METTL15: variants seen among roughly 807,000 people sequenced by gnomAD.
METTL15 encodes the protein 12S rRNA N(4)-cytidine methyltransferase METTL15.
A neutral mutation model predicts 38.3 loss-of-function variants in METTL15; 34 were observed. The observed-to-expected ratio is 0.89, with a 90% CI of 0.68 to 1.18. The LOEUF is 1.18. Ranked by LOEUF, METTL15 falls within the 50% of genes most tolerant of loss-of-function variation. The pLI, the probability that METTL15 is intolerant of heterozygous loss-of-function variation, is 0.00. For synonymous variants in METTL15, 162 were observed against 170.9 expected, an observed-to-expected ratio of 0.95 and a Z score of 0.41; for missense variants, 438 against 498.4, an observed-to-expected ratio of 0.88 and a Z score of 1.15.
At chr11:28,273,955 A>G (rs1326357124) in intron 4 of METTL15, among the ~76,000 whole-genome samples, 2 of 152,094 alleles carry the variant, frequency 1.3e-5, no homozygotes, top group African/African-American at 2.4e-5. Context: ...ATTAAGATCT[A>G]CATAAACTAA....
chr11:28,468,219 G>C (rs914553122), intron 6 of METTL15, among the ~76,000 whole-genome samples: 2 of 152,102 alleles, frequency 1.3e-5, no homozygotes, highest in Admixed American at 6.6e-5. Flanking sequence ...TTCTTAGTCT[G>C]TAAAATGAGG....
intron 3 of METTL15, among the ~76,000 whole-genome samples, chr11:28,135,190 T>C (rs1246060318): frequency 6.6e-6 from 1 of 152,224 alleles, no homozygotes; most frequent in Non-Finnish European, 1.5e-5. Flanking sequence ...TCCTCATTTT[T>C]GTGAAAAACA....
intron 4 of METTL15, among the ~76,000 whole-genome samples, chr11:28,269,840 A>G (rs1457733464): frequency 6.6e-6 from 1 of 152,226 alleles, no homozygotes; most frequent in East Asian, 1.9e-4. Context: ...GCCTAGTGCC[A>G]GCTTACATGC....
Position 28,142,330 on chromosome 11 carries a change from C to G in METTL15, c.270+28726C>G, listed in dbSNP as rs180779567. 1.3e-4 allele frequency among the ~76,000 whole-genome samples: 20 copies of G among 152,186 alleles called. No individual in the cohort carries two copies. In the East Asian group the frequency reaches 3.7e-3, roughly 28 times the overall value. On this transcript the variant is annotated intron_variant, in intron 3 of 6. Transcript: ENST00000407364. Reference sequence around the variant, plus strand: ...AGTTACTTTTCTAGTAAGGCAAGAACAGGGAAACAGCACAATAAAAAAATA... The same window carrying G: ...AGTTACTTTTCTAGTAAGGCAAGAAGAGGGAAACAGCACAATAAAAAAATA...
intron 6 of METTL15, among the ~76,000 whole-genome samples, chr11:28,323,714 A>T (rs1849544707): frequency 6.6e-6 from 1 of 152,210 alleles, no homozygotes; most frequent in Non-Finnish European, 1.5e-5. Flanking sequence ...TAGAGCTGGT[A>T]AGAAGTGGTG....
intron 4 of METTL15, among the ~76,000 whole-genome samples, chr11:28,217,660 T>G (rs370071730): frequency 6.6e-6 from 1 of 152,228 alleles, no homozygotes; most frequent in Admixed American, 6.5e-5. Flanking sequence ...TGGTATTGCC[T>G]AGGTTTTCTT....
At chr11:28,461,281 T>C in intron 6 of METTL15, among the ~76,000 whole-genome samples, 1 of 152,128 alleles carries the variant, frequency 6.6e-6, no homozygotes, top group South Asian at 2.1e-4. Flanking sequence ...GGGCTTTGTA[T>C]CAGTCTTCTT....
At chr11:28,503,130 C>T (rs1047225993) in intron 6 of METTL15, among the ~76,000 whole-genome samples, 1 of 152,158 alleles carries the variant, frequency 6.6e-6, no homozygotes, top group Non-Finnish European at 1.5e-5. Flanking sequence ...GAAGCAGCAT[C>T]AGTTGCAGTG....
At chr11:28,189,533 GA>G (rs1480646287) in intron 3 of METTL15, among the ~76,000 whole-genome samples, 3 of 150,992 alleles carry the variant, frequency 2.0e-5, no homozygotes, top group Non-Finnish European at 3.0e-5. Flanking sequence ...TACCTACTTT[GA>G]CAAATGTGAA....
At chr11:28,166,144 A>G (rs1850650921) in intron 3 of METTL15, among the ~76,000 whole-genome samples, 1 of 152,114 alleles carries the variant, frequency 6.6e-6, no homozygotes, top group Admixed American at 6.6e-5. Flanking sequence ...TTACATATGA[A>G]TTTAAGGATT....
chr11:28,152,954 G>T (rs944454921), intron 3 of METTL15, among the ~76,000 whole-genome samples: 9 of 152,030 alleles, frequency 5.9e-5, no homozygotes, highest in African/African-American at 2.2e-4. Context: ...ACCATATAGG[G>T]TAACTTCATG....
At chr11:28,268,643 A>G (rs1226832202) in intron 4 of METTL15, among the ~76,000 whole-genome samples, 2 of 152,190 alleles carry the variant, frequency 1.3e-5, no homozygotes, top group African/African-American at 2.4e-5. Context: ...AGGTAGTACA[A>G]TTGCTGTGTT....
chr11:28,137,727 C>A (rs1460623039), intron 3 of METTL15, among the ~76,000 whole-genome samples: 1 of 151,408 alleles, frequency 6.6e-6, no homozygotes, highest in East Asian at 2.0e-4. Flanking sequence ...CATTTGTCTT[C>A]AAAAATATTT....
intron 6 of METTL15, among the ~76,000 whole-genome samples, chr11:28,465,956 T>A (rs1454858991): frequency 6.6e-6 from 1 of 152,206 alleles, no homozygotes; most frequent in Non-Finnish European, 1.5e-5. Context: ...TACTCATTGA[T>A]TACAGCTATA....
chr11:28,281,279 T>G (rs1450095650), intron 4 of METTL15, among the ~76,000 whole-genome samples: 8 of 152,188 alleles, frequency 5.3e-5, no homozygotes, highest in African/African-American at 1.9e-4. Flanking sequence ...TTTAGCCCTT[T>G]AGAGCCCCAT....
chr11:28,460,141 T>G (rs938162590), intron 6 of METTL15, among the ~76,000 whole-genome samples: 1 of 152,074 alleles, frequency 6.6e-6, no homozygotes, highest in African/African-American at 2.4e-5. Context: ...TTTATTATTA[T>G]TTTGTAACAT....
chr11:28,318,178 G>A (rs185732813), intron 6 of METTL15, among the ~76,000 whole-genome samples: 12 of 152,170 alleles, frequency 7.9e-5, no homozygotes, highest in East Asian at 7.7e-4. Flanking sequence ...TTTATGATAC[G>A]TCTTGATCTT....
chr11:28,370,662 ATACTCAC>A (rs1195828051), intron 5 of METTL15, among the ~76,000 whole-genome samples: 1 of 152,050 alleles, frequency 6.6e-6, no homozygotes, highest in African/African-American at 2.4e-5. Context: ...GTTAATTTAC[ATACTCAC>A]CAATGGTGTA....
intron 4 of METTL15, among the ~76,000 whole-genome samples, chr11:28,237,722 T>C (rs1854069890): frequency 6.6e-6 from 1 of 152,180 alleles, no homozygotes; most frequent in Non-Finnish European, 1.5e-5. Context: ...TTTTTCCCCA[T>C]CTTTGGTGGT....
Sources: gnomAD v4.1 joint callset for allele counts (sites outside exome capture counted in the v4.1 genomes callset) on GRCh38, gnomAD v4.1.1 for gene constraint, MANE v1.5 for transcripts, NCBI Gene and HGNC (gene_info 2026-07-23, HGNC 2026-07-21) for gene names.